Variants in COMMD10 observed in about 807,000 individuals in gnomAD.
COMMD10 encodes COMM domain containing 10.
In COMMD10, 33 loss-of-function variants were observed where a neutral mutation model predicts 28.9. The ratio of observed to expected loss-of-function variants is 1.14; its 90% CI spans 0.87 to 1.53. The LOEUF is 1.53. COMMD10 is among the 40% of genes most tolerant of loss of function. The pLI is 0.00. For synonymous variants in COMMD10, 110 were observed against 81.7 expected, an observed-to-expected ratio of 1.35 and a Z score of -1.87; for missense variants, 310 against 233.4, an observed-to-expected ratio of 1.33 and a Z score of -2.14.
chr5:116,174,303 G>T (rs909031940), intron 5 of COMMD10, among the ~76,000 whole-genome samples: 3 of 152,128 alleles, frequency 2.0e-5, no homozygotes, highest in African/African-American at 7.2e-5. Flanking sequence ...AGTAGAGTAT[G>T]TGGGAAGAGA....
chr5:116,085,924 C>G (rs947347518), intron 1 of COMMD10, among the ~76,000 whole-genome samples: 2 of 152,160 alleles, frequency 1.3e-5, no homozygotes, highest in South Asian at 2.1e-4. Context: ...TGGAGGGTGT[C>G]CAGGTTCTTG....
intron 5 of COMMD10, among the ~76,000 whole-genome samples, chr5:116,245,920 G>A (rs1202192637): frequency 6.6e-6 from 1 of 151,996 alleles, no homozygotes; most frequent in Non-Finnish European, 1.5e-5. Context: ...CTTAAAAATT[G>A]GCACAAAACA....
intron 5 of COMMD10, among the ~76,000 whole-genome samples, chr5:116,186,636 C>G (rs1748147306): frequency 6.6e-6 from 1 of 152,072 alleles, no homozygotes; most frequent in Admixed American, 6.6e-5. Flanking sequence ...ATTTGTCATT[C>G]TCCCTGTGCC....
intron 5 of COMMD10, among the ~76,000 whole-genome samples, chr5:116,269,411 G>A (rs1330559301): frequency 6.6e-6 from 1 of 151,702 alleles, no homozygotes; most frequent in Non-Finnish European, 1.5e-5. Context: ...TAAATGGTGT[G>A]ATTTCTCCTT....
At chr5:116,092,105 C>G (rs1750317250) in intron 3 of COMMD10, among the ~76,000 whole-genome samples, 2 of 152,016 alleles carry the variant, frequency 1.3e-5, no homozygotes, top group East Asian at 3.9e-4. Flanking sequence ...AACTTTTAAT[C>G]ATATATTATG....
At chr5:116,269,307 AGGGGAAAGCTAATCCACTT>A in intron 5 of COMMD10, among the ~76,000 whole-genome samples, 1 of 151,992 alleles carries the variant, frequency 6.6e-6, no homozygotes, top group East Asian at 1.9e-4. Flanking sequence ...CAAGCCTTTA[AGGGGAAAGCTAATCCACTT>A]GGAGAAATTT....
chr5:116,089,199 C>A (rs1286098656), intron 2 of COMMD10, among the ~76,000 whole-genome samples: 1 of 152,138 alleles, frequency 6.6e-6, no homozygotes, highest in Non-Finnish European at 1.5e-5. Flanking sequence ...CTCATCTAAT[C>A]CGTATGGCAA....
chr5:116,273,423 A>G (rs764145383), intron 5 of COMMD10, among the ~76,000 whole-genome samples: 2 of 151,850 alleles, frequency 1.3e-5, no homozygotes, highest in East Asian at 3.8e-4. Context: ...AAGATAGAAG[A>G]TGTCTTCGAA....
intron 5 of COMMD10, among the ~76,000 whole-genome samples, chr5:116,272,419 G>A (rs768262647): frequency 9.2e-5 from 14 of 151,804 alleles, no homozygotes; most frequent in Non-Finnish European, 2.9e-5. Context: ...GCTTTCTTAG[G>A]TGTTTTTCTG....
At chr5:116,168,819 C>A (rs556676081) in intron 5 of COMMD10, among the ~76,000 whole-genome samples, 3 of 152,158 alleles carry the variant, frequency 2.0e-5, no homozygotes, top group African/African-American at 7.2e-5. Flanking sequence ...CTCTGGGACA[C>A]AGCTAAAGCA....
chr5:116,190,058 C>A (rs1440573430), intron 5 of COMMD10, among the ~76,000 whole-genome samples: 1 of 152,146 alleles, frequency 6.6e-6, no homozygotes, highest in African/African-American at 2.4e-5. Flanking sequence ...TCTCCTTCAA[C>A]ACAGTGATTG....
At chr5:116,175,915 G>C (rs191377960) in intron 5 of COMMD10, among the ~76,000 whole-genome samples, 2 of 152,188 alleles carry the variant, frequency 1.3e-5, no homozygotes, top group East Asian at 3.9e-4. Flanking sequence ...CAGAGCTTCA[G>C]TTAAAGAAGA....
At chr5:116,152,937 T>A (rs1337381801) in intron 5 of COMMD10, among the ~76,000 whole-genome samples, 1 of 152,140 alleles carries the variant, frequency 6.6e-6, no homozygotes, top group Admixed American at 6.6e-5. Context: ...GGTAGCTTTG[T>A]GAGTGGGTAT....
chr5:116,149,888 T>C (rs922197875), intron 5 of COMMD10, among the ~76,000 whole-genome samples: 4 of 151,564 alleles, frequency 2.6e-5, no homozygotes, highest in Admixed American at 2.0e-4. Context: ...ATTTTGTCTT[T>C]TGTTGCCATT....
chr5:116,212,486 T>C (rs974488235), intron 5 of COMMD10, among the ~76,000 whole-genome samples: 1 of 7,270 alleles, frequency 1.4e-4, no homozygotes, highest in Non-Finnish European at 5.5e-4. Context: ...TGACAGAAGG[T>C]ACTGAAATGC....
At chr5:116,251,985 TC>T in intron 5 of COMMD10, among the ~76,000 whole-genome samples, 1 of 73,476 alleles carries the variant, frequency 1.4e-5, no homozygotes, top group East Asian at 4.5e-4. Flanking sequence ...TGATTGCCAT[TC>T]TAAGTGGTGT....
intron 5 of COMMD10, among the ~76,000 whole-genome samples, chr5:116,254,781 T>C (rs1750232836): frequency 6.6e-6 from 1 of 151,750 alleles, no homozygotes; most frequent in Non-Finnish European, 1.5e-5. Flanking sequence ...TCTGTTGATT[T>C]GGGGTGGAGA....
At chr5:116,116,151 G>C (rs892611164) in intron 4 of COMMD10, among the ~76,000 whole-genome samples, 1 of 151,940 alleles carries the variant, frequency 6.6e-6, no homozygotes, top group Non-Finnish European at 1.5e-5. Context: ...ATAGTCCTAA[G>C]ATAATAATGT....
At chr5:116,125,667 C>T (rs530700094) in intron 4 of COMMD10, among the ~76,000 whole-genome samples, 1 of 152,102 alleles carries the variant, frequency 6.6e-6, no homozygotes, top group Admixed American at 6.6e-5. Flanking sequence ...TTCCATTCTC[C>T]CTGTCACTTT....
Sources: allele counts gnomAD v4.1 joint callset (sites outside exome capture counted in the v4.1 genomes callset), GRCh38; gene constraint gnomAD v4.1.1; transcripts MANE v1.5; gene names NCBI Gene and HGNC (gene_info 2026-07-23, HGNC 2026-07-21).